The following HS3ST3B1 variants were observed in gnomAD, a reference collection of about 807,000 sequenced individuals.
The protein encoded by HS3ST3B1 is heparan sulfate-glucosamine 3-sulfotransferase 3B1.
A neutral mutation model predicts 21.3 loss-of-function variants in HS3ST3B1; 13 were observed. The ratio of observed to expected loss-of-function variants is 0.61; its 90% CI spans 0.40 to 0.97. The LOEUF is 0.97. HS3ST3B1 is among the 50% of genes least tolerant of loss of function. HS3ST3B1 has a pLI of 0.00. For missense variants in HS3ST3B1, 459 were observed against 554.8 expected, an observed-to-expected ratio of 0.83 and a Z score of 1.73; for synonymous variants, 234 against 254.8, an observed-to-expected ratio of 0.92 and a Z score of 0.78.
intron 1 of HS3ST3B1, among the ~76,000 whole-genome samples, chr17:14,308,873 T>G (rs905766099): frequency 6.6e-6 from 1 of 152,156 alleles, no homozygotes; most frequent in Non-Finnish European, 1.5e-5. Flanking sequence ...CCACACTGCT[T>G]AATACTGTTA....
intron 1 of HS3ST3B1, among the ~76,000 whole-genome samples, chr17:14,310,500 GA>G (rs1909271916): frequency 6.6e-6 from 1 of 152,208 alleles, no homozygotes; most frequent in Non-Finnish European, 1.5e-5. Context: ...AAAGGCCTAT[GA>G]AAAGGGCACG....
chr17:14,322,448 G>T (rs1457083083), intron 1 of HS3ST3B1, among the ~76,000 whole-genome samples: 1 of 152,164 alleles, frequency 6.6e-6, no homozygotes, highest in African/African-American at 2.4e-5. Flanking sequence ...CTGACATCAT[G>T]ATGGCCAAGG....
chr17:14,327,144 A>G (rs1249541969), intron 1 of HS3ST3B1, among the ~76,000 whole-genome samples: 1 of 152,150 alleles, frequency 6.6e-6, no homozygotes, highest in African/African-American at 2.4e-5. Context: ...CTCCTTCATC[A>G]TTATGACAAA....
rs1040267256 is a variant in HS3ST3B1 at position 14,348,586 on chromosome 17, G to C, written c.*2940G>C. 1.3e-5 allele frequency: 2 copies of C among 152,238 alleles called. No individual in the cohort carries two copies. The highest frequency in any genetic ancestry group is 2.1e-4 in the South Asian group (1 of 4,822). 9.4% of individuals were successfully genotyped at this position (152,238 alleles called of 1,614,324 possible). On this transcript the variant is annotated 3_prime_UTR_variant, in exon 2 of 2. Transcript: ENST00000360954. ...TTCTAGCAATCTGCAAGACCACCAGGCTTAACTTTTTAGCTGCCAGAAGAC... is the reference window on the plus strand; with the variant it reads ...TTCTAGCAATCTGCAAGACCACCAGCCTTAACTTTTTAGCTGCCAGAAGAC...
chr17:14,333,657 A>T (rs1910093567), intron 1 of HS3ST3B1, among the ~76,000 whole-genome samples: 3 of 151,198 alleles, frequency 2.0e-5, no homozygotes, highest in Non-Finnish European at 2.9e-5. Context: ...AGGGGGTGAG[A>T]GGTTATCAGT....
intron 1 of HS3ST3B1, among the ~76,000 whole-genome samples, chr17:14,341,869 T>C (rs1910395008): frequency 6.6e-6 from 1 of 152,218 alleles, no homozygotes; most frequent in South Asian, 2.1e-4. Context: ...TTTAGTCAAA[T>C]GCAAAATAAG....
intron 1 of HS3ST3B1, chr17:14,329,218 A>G (rs777522880): frequency 1.3e-5 from 2 of 152,038 alleles, no homozygotes; most frequent in Non-Finnish European, 1.5e-5. Flanking sequence ...TCTTTTTAGC[A>G]GCCTCAGATG....
intron 1 of HS3ST3B1, 132 bp downstream of exon 1, chr17:14,302,204 C>A: frequency 1.8e-6 from 2 of 1,085,870 alleles, no homozygotes; most frequent in African/African-American, 1.6e-5. Context: ...GAAACTACGG[C>A]AGATTGCGCA....
chr17:14,339,891 A>T (rs974915793), intron 1 of HS3ST3B1, among the ~76,000 whole-genome samples: 1 of 152,030 alleles, frequency 6.6e-6, no homozygotes, highest in Non-Finnish European at 1.5e-5. Flanking sequence ...CACTGTTGAG[A>T]TCAGAGAGGT....
At chr17:14,304,574 G>T (rs1261098328) in intron 1 of HS3ST3B1, 1 of 152,234 alleles carries the variant, frequency 6.6e-6, no homozygotes, top group Non-Finnish European at 1.5e-5. Flanking sequence ...GACCCAGAGC[G>T]CATTACCTAA....
At chr17:14,302,328 AAAG>A (rs1450046347) in intron 1 of HS3ST3B1, among the ~76,000 whole-genome samples, 1 of 152,286 alleles carries the variant, frequency 6.6e-6, no homozygotes, top group African/African-American at 2.4e-5. Context: ...ACCTCGCCGC[AAAG>A]AAGAAGGGCA....
intron 1 of HS3ST3B1, among the ~76,000 whole-genome samples, chr17:14,313,134 G>GTA (rs1185364723): frequency 9.2e-5 from 10 of 108,938 alleles, no homozygotes; most frequent in Middle Eastern, 4.7e-3. Context: ...GTGTGTGTGT[G>GTA]TATATATATA....
chr17:14,302,625 G>A (rs946221654), intron 1 of HS3ST3B1, among the ~76,000 whole-genome samples: 1 of 152,070 alleles, frequency 6.6e-6, no homozygotes, highest in African/African-American at 2.4e-5. Flanking sequence ...AAGGGTGTCA[G>A]ACCCGCCTCG....
chr17:14,332,458 C>T (rs1036804231), intron 1 of HS3ST3B1, among the ~76,000 whole-genome samples: 3 of 151,986 alleles, frequency 2.0e-5, no homozygotes, highest in African/African-American at 7.3e-5. Context: ...AAGTTTGCTT[C>T]TTGGAAGCAT....
chr17:14,302,121 G>A, intron 1 of HS3ST3B1, 49 bp downstream of exon 1: 1 of 1,528,536 alleles, frequency 6.5e-7, no homozygotes, highest in Non-Finnish European at 8.8e-7. Context: ...TTCAGACCCT[G>A]AGCTAAGGGA....
chr17:14,313,102 G>GTGTGTATATATATATATATATATATA (rs763647286), intron 1 of HS3ST3B1, among the ~76,000 whole-genome samples: 1 of 95,674 alleles, frequency 1.0e-5, no homozygotes, highest in Admixed American at 1.2e-4. Context: ...TGGTGTGTGT[G>GTGTGTATATATATATATATATATATA]TGTGTGTATA....
Position 14,345,981 on chromosome 17 carries a change from A to C in HS3ST3B1, c.*335A>C. On this transcript the variant is annotated 3_prime_UTR_variant, in exon 2 of 2. Transcript: ENST00000360954. ...CCTTCAGTCACCGTCTGAGTTCTCCAGTTGCTGCCTCCTTGTCTTGTCTTG... is the reference window on the plus strand; with the variant it reads ...CCTTCAGTCACCGTCTGAGTTCTCCCGTTGCTGCCTCCTTGTCTTGTCTTG... 4.3e-6 allele frequency: 1 copy of C among 234,484 alleles called. No individual in the cohort carries two copies. The highest frequency in any genetic ancestry group is 8.2e-6 in the Non-Finnish European group (1 of 121,424). 14.5% of individuals were successfully genotyped at this position (234,484 alleles called of 1,614,324 possible). A position where few individuals can be genotyped will look rare whatever the true frequency, so the allele number is the denominator to read the frequency against.
Position 14,345,768 on chromosome 17 carries a change from C to T in HS3ST3B1, c.*122C>T. 8.1e-7 allele frequency: 1 copy of T among 1,227,332 alleles called. No homozygotes were observed. Among genetic ancestry groups the T allele is most frequent in the South Asian group, 1.8e-5 (1 of 56,892 alleles). The allele number at this position is 1,227,332 out of a possible 1,614,324, so 76.0% of individuals were successfully genotyped here. ...TTTTAATTCATAAGCAATTAATTCA[C>T]TAAGCTGCCTAGCCACACTCTTTAG... On this transcript the variant is annotated 3_prime_UTR_variant, in exon 2 of 2. Coordinates refer to ENST00000360954, the MANE Select transcript of HS3ST3B1 (RefSeq NM_006041.3).
chr17:14,304,972 G>A (rs1030191949), intron 1 of HS3ST3B1: 1 of 152,182 alleles, frequency 6.6e-6, no homozygotes, highest in East Asian at 1.9e-4. Flanking sequence ...GTAACCCAGG[G>A]CCTGGCAGAT....
Sources: allele counts gnomAD v4.1 joint callset (sites outside exome capture counted in the v4.1 genomes callset), GRCh38; gene constraint gnomAD v4.1.1; transcripts MANE v1.5; gene names NCBI Gene and HGNC (gene_info 2026-07-23, HGNC 2026-07-21).